Variants in SCFD2 observed in about 807,000 individuals in gnomAD.
SCFD2 encodes sec1 family domain containing 2.
In SCFD2, 54 loss-of-function variants were observed where a neutral mutation model predicts 58.9. The observed-to-expected ratio is 0.92, with a 90% confidence interval of 0.74 to 1.15. The LOEUF is 1.15. Among genes scored for constraint, SCFD2 ranks in the 50% most tolerant of loss-of-function variants. SCFD2 has a pLI of 0.00. For missense variants in SCFD2, 805 were observed against 836.6 expected, an observed-to-expected ratio of 0.96 and a Z score of 0.47; for synonymous variants, 321 against 335.9, an observed-to-expected ratio of 0.96 and a Z score of 0.49.
chr4:52,908,167 T>C (rs564913767), intron 6 of SCFD2, among the ~76,000 whole-genome samples: 12 of 152,194 alleles, frequency 7.9e-5, no homozygotes, highest in Non-Finnish European at 1.5e-4. Context: ...GACTACATGG[T>C]ATCATAAGAA....
chr4:53,328,518 A>C (rs1733291263), intron 2 of SCFD2, among the ~76,000 whole-genome samples: 1 of 152,226 alleles, frequency 6.6e-6, no homozygotes, highest in Admixed American at 6.5e-5. Flanking sequence ...AGCAAATAAT[A>C]AAAAATGAGT....
intron 5 of SCFD2, among the ~76,000 whole-genome samples, chr4:53,066,548 C>A (rs1232835027): frequency 1.3e-5 from 2 of 151,996 alleles, no homozygotes; most frequent in Non-Finnish European, 2.9e-5. Flanking sequence ...TATTATAGGT[C>A]CAGCAGAACA....
chr4:53,176,258 CA>C (rs377469084), intron 4 of SCFD2, among the ~76,000 whole-genome samples: 35 of 152,280 alleles, frequency 2.3e-4, no homozygotes, highest in African/African-American at 5.8e-4. Context: ...CATATTTTGC[CA>C]AGTCTAAAAA....
rs114530404 is a variant in SCFD2, at chr4:53,220,062, A to G, written c.1311+53764T>C. On this transcript the variant is annotated intron_variant, in intron 4 of 8. Coordinates refer to ENST00000401642, the MANE Select transcript of SCFD2 (RefSeq NM_152540.4). ...CTCTCCCCAGTCAGCCTCATGGTTC[A>G]CTCCCTCTCTTCATTCAAGTCTCCA... Among the ~76,000 whole-genome samples, 1,228 of 151,728 alleles carry G rather than the reference A, an allele frequency of 8.1e-3. 6 individuals are homozygous for G. Among genetic ancestry groups the G allele is most frequent in the Non-Finnish European group, 0.012 (806 of 67,898 alleles).
At chr4:52,933,553 G>A (rs1351773937) in intron 5 of SCFD2, among the ~76,000 whole-genome samples, 1 of 152,140 alleles carries the variant, frequency 6.6e-6, no homozygotes, top group Non-Finnish European at 1.5e-5. Flanking sequence ...TGGGGCTTGG[G>A]CTCAGAGTGT....
chr4:53,055,375 G>A (rs1723307171), intron 5 of SCFD2, among the ~76,000 whole-genome samples: 1 of 152,142 alleles, frequency 6.6e-6, no homozygotes, highest in African/African-American at 2.4e-5. Context: ...AGGCAGAAAA[G>A]TGGCATGGCC....
intron 4 of SCFD2, among the ~76,000 whole-genome samples, chr4:53,238,576 C>G (rs1210462447): frequency 1.3e-5 from 2 of 151,198 alleles, no homozygotes; most frequent in African/African-American, 4.9e-5. Context: ...GGGCGGCTGC[C>G]GGGCGGAGGG....
intron 8 of SCFD2, among the ~76,000 whole-genome samples, chr4:52,876,938 C>G (rs1718488404): frequency 6.6e-6 from 1 of 152,060 alleles, no homozygotes; most frequent in Non-Finnish European, 1.5e-5. Context: ...ACACTGCTAG[C>G]CCTTGGGGTC....
chr4:53,334,317 C>G (rs1733602830), intron 2 of SCFD2, among the ~76,000 whole-genome samples: 1 of 152,154 alleles, frequency 6.6e-6, no homozygotes, highest in Non-Finnish European at 1.5e-5. Flanking sequence ...TTTATTGTGG[C>G]ATTATTCACA....
At chr4:53,351,030 T>A (rs1481272892) in intron 2 of SCFD2, among the ~76,000 whole-genome samples, 3 of 152,176 alleles carry the variant, frequency 2.0e-5, no homozygotes, top group African/African-American at 7.2e-5. Flanking sequence ...CATTCTGGAC[T>A]CATTTCTAGC....
chr4:53,177,715 C>T (rs1727386293), intron 4 of SCFD2, among the ~76,000 whole-genome samples: 1 of 152,150 alleles, frequency 6.6e-6, no homozygotes, highest in Non-Finnish European at 1.5e-5. Flanking sequence ...ATCGCCTCAT[C>T]CGGGAAGCGA....
chr4:53,107,042 A>G (rs1227737826), intron 5 of SCFD2, among the ~76,000 whole-genome samples: 1 of 152,210 alleles, frequency 6.6e-6, no homozygotes, highest in Non-Finnish European at 1.5e-5. Context: ...CAGACACCCT[A>G]AAAGCCAGAA....
chr4:52,991,548 G>C (rs1164129232), intron 5 of SCFD2, among the ~76,000 whole-genome samples: 1 of 152,166 alleles, frequency 6.6e-6, no homozygotes, highest in Non-Finnish European at 1.5e-5. Flanking sequence ...GGCCTTGGGG[G>C]ACAAGACTGG....
chr4:53,233,377 T>C (rs888329754), intron 4 of SCFD2, among the ~76,000 whole-genome samples: 3 of 152,206 alleles, frequency 2.0e-5, no homozygotes, highest in Admixed American at 6.5e-5. Context: ...GTATCCTCCT[T>C]GTTTTTCACA....
At chr4:53,327,920 G>C (rs1417720632) in intron 2 of SCFD2, among the ~76,000 whole-genome samples, 1 of 152,054 alleles carries the variant, frequency 6.6e-6, no homozygotes, top group African/African-American at 2.4e-5. Context: ...CATGAGGTCA[G>C]GAGATCGAGA....
chr4:53,047,717 C>T (rs748649244), intron 5 of SCFD2, among the ~76,000 whole-genome samples: 3 of 152,156 alleles, frequency 2.0e-5, no homozygotes, highest in Non-Finnish European at 4.4e-5. Flanking sequence ...TTGTTTCTAT[C>T]CAAAGAAAGC....
chr4:52,981,400 G>C (rs1203534002), intron 5 of SCFD2, among the ~76,000 whole-genome samples: 1 of 152,082 alleles, frequency 6.6e-6, no homozygotes, highest in Non-Finnish European at 1.5e-5. Context: ...AACATTGCTG[G>C]TTAACATGTA....
chr4:53,197,747 C>CAAAAAAA (rs10717880), intron 4 of SCFD2, among the ~76,000 whole-genome samples: 32 of 96,556 alleles, frequency 3.3e-4, no homozygotes, highest in African/African-American at 4.6e-4. Context: ...TAGAAGATGG[C>CAAAAAAA]AAAAAAAAAA....
Position 53,058,687 on chromosome 4 carries a change from C to A in SCFD2, c.1561+86646G>T, listed in dbSNP as rs561466567. Among the ~76,000 whole-genome samples, 5 of 152,240 alleles carry A rather than the reference C, an allele frequency of 3.3e-5. No homozygotes were observed. In the South Asian group the frequency reaches 1.0e-3, roughly 32 times the overall value. ...TTGCCCCTAACAATCTGCCCCTTAA[C>A]TGAATCTTTTGGTTTCGATCTCTGG... On this transcript the variant is annotated intron_variant, in intron 5 of 8. Transcript: ENST00000401642.
Sources: allele counts gnomAD v4.1 joint callset (sites outside exome capture counted in the v4.1 genomes callset), GRCh38; gene constraint gnomAD v4.1.1; transcripts MANE v1.5; gene names NCBI Gene and HGNC (gene_info 2026-07-23, HGNC 2026-07-21).